GRID1: variants seen among roughly 807,000 people sequenced by gnomAD.
GRID1 encodes glutamate ionotropic receptor delta type subunit 1, also known as glutamate receptor ionotropic, delta-1.
In GRID1, 28 loss-of-function variants were observed where a neutral mutation model predicts 98.0. The observed-to-expected ratio is 0.29, with a 90% confidence interval of 0.21 to 0.39. GRID1 has a LOEUF of 0.39. Among genes scored for constraint, GRID1 ranks in the 10% least tolerant of loss-of-function variants. GRID1 has a pLI of 1.00. For synonymous variants in GRID1, 553 were observed against 538.5 expected, an observed-to-expected ratio of 1.03 and a Z score of -0.37; for missense variants, 1,111 against 1,340.5, an observed-to-expected ratio of 0.83 and a Z score of 2.67.
At chr10:86,005,008 A>G (rs1320393671) in intron 4 of GRID1, among the ~76,000 whole-genome samples, 1 of 152,192 alleles carries the variant, frequency 6.6e-6, no homozygotes, top group Non-Finnish European at 1.5e-5. Context: ...TAACTTACCA[A>G]CGTCACATCA....
chr10:86,238,146 G>T (rs1481424253), intron 2 of GRID1, among the ~76,000 whole-genome samples: 4 of 152,226 alleles, frequency 2.6e-5, no homozygotes, highest in African/African-American at 7.2e-5. Context: ...GCAGGCTGCA[G>T]AAATTTGCAT....
At chr10:86,044,765 G>C (rs972907561) in intron 4 of GRID1, among the ~76,000 whole-genome samples, 1 of 152,224 alleles carries the variant, frequency 6.6e-6, no homozygotes, top group Admixed American at 6.5e-5. Context: ...TTCTCTGCTA[G>C]AGGAGAAGCA....
At chr10:85,876,062 C>G (rs1393808223) in intron 5 of GRID1, among the ~76,000 whole-genome samples, 2 of 152,212 alleles carry the variant, frequency 1.3e-5, no homozygotes, top group African/African-American at 4.8e-5. Context: ...ACTATTTTCT[C>G]TTAGACATGG....
intron 3 of GRID1, among the ~76,000 whole-genome samples, chr10:86,162,200 TG>T (rs1845332796): frequency 6.6e-6 from 1 of 151,974 alleles, no homozygotes; most frequent in Non-Finnish European, 1.5e-5. Context: ...GGGCTTTGGG[TG>T]GGTGGTGTCC....
At chr10:85,920,186 C>T (rs996590088) in intron 4 of GRID1, among the ~76,000 whole-genome samples, 1 of 151,796 alleles carries the variant, frequency 6.6e-6, no homozygotes, top group African/African-American at 2.4e-5. Context: ...TTTTTAAGTC[C>T]CCATAATTTT....
chr10:85,735,597 T>C (rs1463263191), intron 8 of GRID1, among the ~76,000 whole-genome samples: 3 of 152,150 alleles, frequency 2.0e-5, no homozygotes, highest in Non-Finnish European at 4.4e-5. Context: ...TAACCCTAAA[T>C]GGGACAGGCA....
At position 85,873,256 on chromosome 10, in the gene GRID1, T is replaced by A. The variant is rs1470748154; in HGVS notation, c.781-4076A>T. On this transcript the variant is annotated intron_variant, in intron 5 of 15. Coordinates refer to ENST00000327946, the MANE Select transcript of GRID1 (RefSeq NM_017551.3). The stretch of plus-strand genomic sequence containing the variant: ...TTAAGTGTGCAGAGGGCAATCCAAG[T>A]GGCTTCTTGGAAAACAAACTTTCCC... 2.0e-5 allele frequency among the ~76,000 whole-genome samples: 3 copies of A among 152,224 alleles called. No individual in the cohort carries two copies. In the East Asian group the frequency reaches 5.8e-4, roughly 29 times the overall value.
At chr10:86,129,996 C>A (rs111623432) in intron 4 of GRID1, among the ~76,000 whole-genome samples, 152 of 152,372 alleles carry the variant, frequency 1.0e-3, no homozygotes, top group African/African-American at 3.1e-3. Flanking sequence ...TCCGCTGCTG[C>A]CACATGAATA....
chr10:86,029,513 A>G (rs560747345), intron 4 of GRID1, among the ~76,000 whole-genome samples: 1 of 152,348 alleles, frequency 6.6e-6, no homozygotes, highest in East Asian at 1.9e-4. Context: ...CACGCCAAGT[A>G]TAAGACTAAA....
chr10:85,639,709 A>G (rs927501308), intron 13 of GRID1, among the ~76,000 whole-genome samples: 1 of 152,160 alleles, frequency 6.6e-6, no homozygotes, highest in African/African-American at 2.4e-5. Flanking sequence ...CTCCATCTCT[A>G]CTAAAAATAC....
chr10:85,793,127 C>T (rs144787846), intron 8 of GRID1, among the ~76,000 whole-genome samples: 2 of 152,274 alleles, frequency 1.3e-5, no homozygotes, highest in East Asian at 1.9e-4. Flanking sequence ...AGCCTTTCCA[C>T]GTCCAATTTC....
chr10:85,900,223 G>T (rs117691443), intron 5 of GRID1, among the ~76,000 whole-genome samples: 5,773 of 152,302 alleles, frequency 0.038, 156 homozygotes, highest in Middle Eastern at 0.092. Flanking sequence ...CAGCAGCCAC[G>T]TGTGAATGTG....
At chr10:85,864,412 A>T (rs1184283183) in intron 6 of GRID1, among the ~76,000 whole-genome samples, 2 of 152,336 alleles carry the variant, frequency 1.3e-5, no homozygotes, top group Non-Finnish European at 2.9e-5. Context: ...ATCTGTCCAC[A>T]CCCAAGGCTT....
intron 4 of GRID1, among the ~76,000 whole-genome samples, chr10:85,925,138 T>A (rs1480212057): frequency 6.6e-6 from 1 of 152,182 alleles, no homozygotes; most frequent in Non-Finnish European, 1.5e-5. Context: ...TATTGGCCAA[T>A]GGATACTTGG....
chr10:85,831,522 T>C (rs1842867374), intron 8 of GRID1, among the ~76,000 whole-genome samples: 1 of 152,108 alleles, frequency 6.6e-6, no homozygotes, highest in Admixed American at 6.6e-5. Context: ...GATACCGTCT[T>C]TTCAAGGGCA....
intron 6 of GRID1, among the ~76,000 whole-genome samples, chr10:85,856,411 G>A (rs1843110409): frequency 6.6e-6 from 1 of 152,166 alleles, no homozygotes; most frequent in Non-Finnish European, 1.5e-5. Flanking sequence ...AACTAGAGTG[G>A]GATGTGCATG....
intron 8 of GRID1, among the ~76,000 whole-genome samples, chr10:85,773,027 C>T (rs933806407): frequency 1.3e-5 from 2 of 152,182 alleles, no homozygotes; most frequent in Admixed American, 1.3e-4. Flanking sequence ...CCAAAAAAGA[C>T]AATTTTAGAC....
chr10:85,881,472 T>C (rs896376709), intron 5 of GRID1, among the ~76,000 whole-genome samples: 2 of 152,126 alleles, frequency 1.3e-5, no homozygotes, highest in Non-Finnish European at 2.9e-5. Context: ...TAATGCCACA[T>C]ATCTACAACC....
chr10:86,084,295 G>T (rs529438089), intron 4 of GRID1, among the ~76,000 whole-genome samples: 6 of 151,958 alleles, frequency 3.9e-5, no homozygotes, highest in Non-Finnish European at 8.8e-5. Context: ...TACTCATTAG[G>T]ATGGCTACTA....
Sources: allele counts gnomAD v4.1 joint callset (sites outside exome capture counted in the v4.1 genomes callset), GRCh38; gene constraint gnomAD v4.1.1; transcripts MANE v1.5; gene names NCBI Gene and HGNC (gene_info 2026-07-23, HGNC 2026-07-21).